IL23R: variants seen among roughly 807,000 people sequenced by gnomAD.
IL23R encodes the protein interleukin-23 receptor.
In IL23R, 34 loss-of-function variants were observed where a neutral mutation model predicts 56.9. The observed-to-expected ratio is 0.60, with a 90% CI of 0.45 to 0.80. The LOEUF (loss-of-function observed/expected upper bound fraction) is 0.80. Ranked by LOEUF, IL23R falls within the 30% of genes least tolerant of loss-of-function variation. The pLI is 0.00. For missense variants in IL23R, 635 were observed against 730.0 expected (o/e 0.87, Z 1.50); for synonymous variants, 230 against 249.2 (o/e 0.92, Z 0.73).
intron 4 of IL23R, among the ~76,000 whole-genome samples, chr1:67,188,866 C>T (rs1359208163): frequency 6.6e-6 from 1 of 152,098 alleles, no homozygotes; most frequent in Non-Finnish European, 1.5e-5. Flanking sequence ...AAAGGCCCCA[C>T]CTCTTAATAC....
chr1:67,185,396 A>T (rs904955564), intron 4 of IL23R, among the ~76,000 whole-genome samples: 14 of 151,946 alleles, frequency 9.2e-5, no homozygotes, highest in East Asian at 3.9e-4. Flanking sequence ...CCTTCTTTTT[A>T]AAAAAAATCT....
intron 3 of IL23R, among the ~76,000 whole-genome samples, chr1:67,170,699 C>CTT (rs1252503575): frequency 6.6e-6 from 1 of 152,174 alleles, no homozygotes; most frequent in Non-Finnish European, 1.5e-5. Flanking sequence ...GAATTTGTGT[C>CTT]TTTGCCATGT....
intron 7 of IL23R, among the ~76,000 whole-genome samples, chr1:67,236,504 T>C (rs536885597): frequency 2.0e-5 from 3 of 152,206 alleles, no homozygotes; most frequent in Non-Finnish European, 4.4e-5. Flanking sequence ...GCCCTTGCAG[T>C]GTTTCCTCCT....
At chr1:67,214,981 T>C (rs910301924) in intron 6 of IL23R, among the ~76,000 whole-genome samples, 1 of 152,228 alleles carries the variant, frequency 6.6e-6, no homozygotes, top group Admixed American at 6.5e-5. Flanking sequence ...CTCCCTGCCC[T>C]GTTTTGTTTC....
chr1:67,150,902 T>G (rs1570756954), intron 1 of IL23R, among the ~76,000 whole-genome samples: 1 of 152,306 alleles, frequency 6.6e-6, no homozygotes, highest in African/African-American at 2.4e-5. Context: ...TAAATAGTGC[T>G]GCAATAAACA....
chr1:67,249,099 T>C (rs1162509381), intron 9 of IL23R, among the ~76,000 whole-genome samples: 1 of 152,252 alleles, frequency 6.6e-6, no homozygotes, highest in Non-Finnish European at 1.5e-5. Flanking sequence ...ACCAGACCTG[T>C]TCCTATTCAG....
At chr1:67,230,461 C>T (rs1186069882) in intron 7 of IL23R, among the ~76,000 whole-genome samples, 1 of 152,200 alleles carries the variant, frequency 6.6e-6, no homozygotes, top group Non-Finnish European at 1.5e-5. Flanking sequence ...AGTTTTGCTA[C>T]ACTTTGACAT....
chr1:67,194,632 T>C (rs1470412752), intron 4 of IL23R, among the ~76,000 whole-genome samples: 1 of 152,236 alleles, frequency 6.6e-6, no homozygotes, highest in Non-Finnish European at 1.5e-5. Context: ...CTATGGTTAC[T>C]GTCAGTTTGA....
At chr1:67,182,645 G>A (rs946422506) in intron 3 of IL23R, among the ~76,000 whole-genome samples, 191 bp from the exon 4 acceptor site, 6 of 152,124 alleles carry the variant, frequency 3.9e-5, no homozygotes, top group African/African-American at 7.2e-5. Context: ...CCACTGTCCC[G>A]CACCCACTGT....
chr1:67,190,842 A>G (rs1174904799), intron 4 of IL23R, among the ~76,000 whole-genome samples: 2 of 152,220 alleles, frequency 1.3e-5, no homozygotes, highest in African/African-American at 4.8e-5. Flanking sequence ...CCTTAAATTC[A>G]GCGGCCTACT....
At chr1:67,236,605 T>C in intron 7 of IL23R, 108 bp from the exon 8 acceptor site, 1 of 739,496 alleles carries the variant, frequency 1.4e-6, no homozygotes. Flanking sequence ...CCATTAAAGT[T>C]ATTGGTTTAC....
intron 7 of IL23R, among the ~76,000 whole-genome samples, chr1:67,234,154 T>C (rs919948156): frequency 2.6e-5 from 4 of 152,210 alleles, no homozygotes; most frequent in Non-Finnish European, 5.9e-5. Context: ...ATGTTAAGTA[T>C]AATTTAAAAA....
chr1:67,263,909 C>T (rs138675522), downstream of IL23R, among the ~76,000 whole-genome samples: 217 of 151,240 alleles, frequency 1.4e-3, no homozygotes, highest in African/African-American at 4.8e-3. Context: ...AAATGTAAAA[C>T]GGATGAAAGC....
intron 9 of IL23R, among the ~76,000 whole-genome samples, chr1:67,248,659 G>A (rs952597117): frequency 8.5e-5 from 13 of 152,244 alleles, no homozygotes; most frequent in Admixed American, 4.6e-4. Context: ...CCTTGCTGGC[G>A]AGGAGTTGTG....
At chr1:67,157,458 C>T (rs537964725) in intron 1 of IL23R, among the ~76,000 whole-genome samples, 2 of 152,324 alleles carry the variant, frequency 1.3e-5, no homozygotes, top group African/African-American at 4.8e-5. Context: ...CTTCCCATCT[C>T]AACCATCAAA....
chr1:67,212,210 G>A (rs1478441936), intron 6 of IL23R, among the ~76,000 whole-genome samples: 1 of 152,162 alleles, frequency 6.6e-6, no homozygotes, highest in Admixed American at 6.5e-5. Context: ...CACAGAAAAA[G>A]TGAATTACCA....
At chr1:67,204,309 C>G (rs1445283120) in intron 5 of IL23R, among the ~76,000 whole-genome samples, 2 of 152,108 alleles carry the variant, frequency 1.3e-5, no homozygotes, top group African/African-American at 4.8e-5. Context: ...ATGATCGGCC[C>G]GCCTCGACCT....
chr1:67,250,425 G>A (rs1220742077), intron 9 of IL23R, among the ~76,000 whole-genome samples: 1 of 151,886 alleles, frequency 6.6e-6, no homozygotes, highest in Non-Finnish European at 1.5e-5. Context: ...TGCATAGCTA[G>A]GGGAGCATGG....
At chr1:67,179,464 T>A (rs904993595) in intron 3 of IL23R, among the ~76,000 whole-genome samples, 3 of 152,160 alleles carry the variant, frequency 2.0e-5, no homozygotes, top group African/African-American at 7.2e-5. Context: ...GGTGGTGATA[T>A]CCCCTGTATC....
Sources: allele counts gnomAD v4.1 joint callset (sites outside exome capture counted in the v4.1 genomes callset), GRCh38; gene constraint gnomAD v4.1.1; transcripts MANE v1.5; gene names NCBI Gene and HGNC (gene_info 2026-07-23, HGNC 2026-07-21).